Variants in PABIR3 observed in about 807,000 individuals in gnomAD.
PABIR3 encodes the protein PABIR family member 3, also known as PABIR family member 1.
PABIR3 carries 20 observed loss-of-function variants against 23.1 expected under a neutral mutation model. That is an observed-to-expected ratio of 0.86 (90% CI 0.61 to 1.26). The LOEUF (loss-of-function observed/expected upper bound fraction) is 1.26. PABIR3 is among the 50% of genes most tolerant of loss of function. PABIR3 has a pLI of 0.00. For synonymous variants in PABIR3, 69 were observed against 68.5 expected, an observed-to-expected ratio of 1.01 and a Z score of -0.04; for missense variants, 189 against 195.4, an observed-to-expected ratio of 0.97 and a Z score of 0.20.
intron 2 of PABIR3, 52 bp from the exon 3 acceptor site, chrX:134,814,719 A>C (rs2080875826): frequency 2.0e-6 from 2 of 994,198 alleles, no homozygotes; most frequent in African/African-American, 3.9e-5. Context: ...AAAAAAAAAA[A>C]AGAATTTTGT....
chrX:134,821,378 C>G (rs1287963114), intron 3 of PABIR3: 10 of 1,151,572 alleles, frequency 8.7e-6, no homozygotes, highest in Non-Finnish European at 1.1e-5. Context: ...CCTCTTCTGA[C>G]CTTGAGACTA....
At chrX:134,805,687 C>T (rs1209764461), upstream of PABIR3, among the ~76,000 whole-genome samples, 7 of 110,790 alleles carry the variant, frequency 6.3e-5, no homozygotes, top group African/African-American at 1.6e-4. Flanking sequence ...CACCTGAGGT[C>T]GGGAGTTCGA....
intron 4 of PABIR3, among the ~76,000 whole-genome samples, chrX:134,843,598 C>T (rs1280162793): frequency 5.8e-5 from 5 of 86,889 alleles, no homozygotes; most frequent in Admixed American, 1.5e-4. Flanking sequence ...GACGGAGTCT[C>T]GCTCTGTCGC....
At chrX:134,853,258 G>C (rs1172177883) in intron 10 of PABIR3, among the ~76,000 whole-genome samples, 3 of 110,475 alleles carry the variant, frequency 2.7e-5, no homozygotes, top group Non-Finnish European at 5.7e-5. Flanking sequence ...TGTAGAGATG[G>C]GGTTTTTCCA....
chrX:134,803,073 C>T (rs1425539966), upstream of PABIR3, among the ~76,000 whole-genome samples: 1 of 112,081 alleles, frequency 8.9e-6, no homozygotes, highest in African/African-American at 3.2e-5. Flanking sequence ...TGGCCAGTGG[C>T]GCAGGTGGTA....
intron 4 of PABIR3, among the ~76,000 whole-genome samples, chrX:134,834,736 A>G (rs957777127): frequency 8.9e-6 from 1 of 112,148 alleles, no homozygotes; most frequent in African/African-American, 3.2e-5. Flanking sequence ...ATGGCTAGCC[A>G]GTTTTCCCAG....
upstream of PABIR3, among the ~76,000 whole-genome samples, chrX:134,805,884 C>T (rs183969694): frequency 4.6e-4 from 50 of 108,945 alleles, no homozygotes; most frequent in Non-Finnish European, 7.4e-4. Flanking sequence ...GCAACAAGAG[C>T]GAAACTCCGT....
intron 1 of PABIR3, among the ~76,000 whole-genome samples, chrX:134,801,623 G>A (rs1250580304): frequency 8.9e-6 from 1 of 112,313 alleles, no homozygotes; most frequent in East Asian, 2.8e-4. Flanking sequence ...CCTTCCAGTG[G>A]CCTGGGCTTC....
At chrX:134,850,965 A>G (rs746279371) in intron 9 of PABIR3, among the ~76,000 whole-genome samples, 5 of 112,325 alleles carry the variant, frequency 4.5e-5, no homozygotes, top group Middle Eastern at 9.2e-3. Flanking sequence ...TTTTGGCCAG[A>G]TACAATAACA....
intron 3 of PABIR3, among the ~76,000 whole-genome samples, chrX:134,826,935 C>T (rs779354893): frequency 1.8e-5 from 2 of 112,073 alleles, no homozygotes; most frequent in South Asian, 7.3e-4. Flanking sequence ...ATTTATCCAA[C>T]ACATACTTTA....
intron 1 of PABIR3, among the ~76,000 whole-genome samples, chrX:134,798,548 G>A (rs770930609): frequency 8.9e-6 from 1 of 112,014 alleles, no homozygotes; most frequent in Non-Finnish European, 1.9e-5. Context: ...TCCCACCACC[G>A]TAACACCCCT....
chrX:134,838,938 T>C (rs1464481872), intron 4 of PABIR3: 1 of 113,014 alleles, frequency 8.8e-6, no homozygotes, highest in South Asian at 3.5e-4. Context: ...GCAAGTGATC[T>C]GCCAGCCTCG....
chrX:134,848,085 G>A, intron 8 of PABIR3, 114 bp downstream of exon 8: 2 of 654,503 alleles, frequency 3.1e-6, no homozygotes, highest in Non-Finnish European at 4.5e-6. Flanking sequence ...CTTCTTTTTA[G>A]GGAAATTAAA....
At chrX:134,810,798 G>C (rs184634510) in intron 2 of PABIR3, 8 of 750,877 alleles carry the variant, frequency 1.1e-5, no homozygotes, top group Admixed American at 9.0e-5. Flanking sequence ...AAAGTCACTA[G>C]CATATTTCTT....
Position 134,807,244 on chromosome X carries a change from C to T in PABIR3, c.-157C>T. 1 of 873,918 alleles carries T rather than the reference C, an allele frequency of 1.1e-6. No homozygotes were observed. The highest frequency in any genetic ancestry group is 1.4e-6 in the Non-Finnish European group (1 of 715,588). The allele number at this position is 873,918 out of a possible 1,213,427, so 72.0% of individuals were successfully genotyped here. On this transcript the variant is annotated 5_prime_UTR_variant, in exon 1 of 11. Coordinates refer to ENST00000645433, the MANE Select transcript of PABIR3 (RefSeq NM_001388447.1). ...CGGCAGATTGTAGTTTTTGTTTTGG[C>T]CGGAAAGGCTTACCATGAGTTGCCA... is the stretch of plus-strand genomic sequence containing the variant.
In PABIR3 at chrX:134,845,379, C is replaced by G; in HGVS notation, c.323C>G (p.Ser108Cys). 8.3e-7 allele frequency: 1 copy of G among 1,203,075 alleles called. No individual in the cohort carries two copies. The highest frequency in any genetic ancestry group is 1.1e-6 in the Non-Finnish European group (1 of 892,748). The change falls in exon 6 of 11, where the codon TCT becomes TGT. Residue 108 changes from serine (S) to cysteine (C), a missense_variant. Transcript: ENST00000645433. ...CAAAGTGAGATACAGATAAGTCACT[C>G]TTGGGAAGAAGGCTTGAAACTGGTA... ...KLQSEIQISH[S>C]WEEGLKLNDN... is the part of the protein sequence containing the mutation.
At chrX:134,837,260 C>T (rs1416042698) in intron 4 of PABIR3, among the ~76,000 whole-genome samples, 2 of 110,062 alleles carry the variant, frequency 1.8e-5, no homozygotes, top group African/African-American at 3.3e-5. Context: ...GCAGGAGAAT[C>T]GCTTGAACCC....
chrX:134,857,441 C>T (rs951281788), downstream of PABIR3, among the ~76,000 whole-genome samples: 3 of 111,315 alleles, frequency 2.7e-5, no homozygotes, highest in Non-Finnish European at 5.7e-5. Context: ...CATCTTAATT[C>T]GATTATATCT....
chrX:134,820,150 T>C (rs1171870005), intron 3 of PABIR3, among the ~76,000 whole-genome samples: 1 of 111,127 alleles, frequency 9.0e-6, no homozygotes, highest in Non-Finnish European at 1.9e-5. Flanking sequence ...CTCTTATATA[T>C]ATTTAAAGAT....
Sources: gnomAD v4.1 joint callset for allele counts (sites outside exome capture counted in the v4.1 genomes callset) on GRCh38, gnomAD v4.1.1 for gene constraint, MANE v1.5 for transcripts, NCBI Gene and HGNC (gene_info 2026-07-23, HGNC 2026-07-21) for gene names.